GSG1L: variants seen among roughly 807,000 people sequenced by gnomAD.
GSG1L encodes the protein GSG1 like.
In GSG1L, 24 loss-of-function variants were observed where a neutral mutation model predicts 42.1. The observed-to-expected ratio is 0.57, with a 90% confidence interval of 0.41 to 0.80. GSG1L has a LOEUF of 0.80. Among genes scored for constraint, GSG1L ranks in the 30% least tolerant of loss-of-function variants. GSG1L has a pLI of 0.00. For missense variants in GSG1L, 445 were observed against 472.2 expected (o/e 0.94, Z 0.53); for synonymous variants, 215 against 203.5 (o/e 1.06, Z -0.48).
chr16:27,865,612 C>T (rs987986550), intron 3 of GSG1L, among the ~76,000 whole-genome samples: 1 of 141,408 alleles, frequency 7.1e-6, no homozygotes, highest in Non-Finnish European at 1.5e-5. Flanking sequence ...TATATATACA[C>T]ACACACACAT....
chr16:27,869,898 C>A (rs1466548713), intron 3 of GSG1L, among the ~76,000 whole-genome samples: 5 of 87,106 alleles, frequency 5.7e-5, no homozygotes, highest in Non-Finnish European at 9.8e-5. Flanking sequence ...TGTCTCCCTC[C>A]ATCTCTCTCT....
chr16:27,840,090 C>T (rs2083364004), intron 4 of GSG1L, among the ~76,000 whole-genome samples: 1 of 150,240 alleles, frequency 6.7e-6, no homozygotes, highest in Admixed American at 6.6e-5. Flanking sequence ...AGTGCAGTGG[C>T]ACGAACACAG....
chr16:27,906,539 A>T (rs2084323215), intron 2 of GSG1L, among the ~76,000 whole-genome samples: 1 of 152,004 alleles, frequency 6.6e-6, no homozygotes, highest in Non-Finnish European at 1.5e-5. Context: ...TCCCTAGGAG[A>T]TCAAGTTTGC....
rs62029147 is a variant in GSG1L, at chr16:27,791,320, G to A, written c.*50C>T. 5,358 of 1,201,288 alleles carry A rather than the reference G, an allele frequency of 4.5e-3. 51 individuals carry two copies. Among genetic ancestry groups the A allele is most frequent in the Middle Eastern group, 0.025 (78 of 3,134 alleles). The allele number at this position is 1,201,288 out of a possible 1,614,324, so 74.4% of individuals were successfully genotyped here. ...ACCACTCTGGTGGTCTTGCAGCAGG[G>A]GCTGGTGCCAGCGATGGCCTGAGGT... On this transcript the variant is annotated 3_prime_UTR_variant, in exon 7 of 7. Coordinates refer to ENST00000447459, the MANE Select transcript of GSG1L (RefSeq NM_001109763.2).
intron 2 of GSG1L, among the ~76,000 whole-genome samples, chr16:27,888,401 C>CTTCTTTCTTTCTTTCTTTCT (rs768689001): frequency 1.6e-5 from 2 of 122,530 alleles, no homozygotes; most frequent in African/African-American, 7.3e-5. Flanking sequence ...TTCTTTTCTC[C>CTTCTTTCTTTCTTTCTTTCT]TTCTTTCTTT....
chr16:27,875,673 C>A (rs573883947), intron 3 of GSG1L, among the ~76,000 whole-genome samples: 1 of 152,316 alleles, frequency 6.6e-6, no homozygotes, highest in East Asian at 1.9e-4. Flanking sequence ...GACGTGCCAA[C>A]AGACCCAACC....
At position 27,979,324 on chromosome 16, in the gene GSG1L, G is replaced by A. The variant is rs565517741; in HGVS notation, c.350-16121C>T. 9.2e-5 allele frequency among the ~76,000 whole-genome samples: 14 copies of A among 152,064 alleles called. No individual in the cohort carries two copies. In the East Asian group the frequency reaches 2.7e-3, roughly 29 times the overall value. On this transcript the variant is annotated intron_variant, in intron 1 of 6. Transcript: ENST00000447459. ...CTCACGCCTGTAATCCCAGCACTTT[G>A]GAAGGCCGAGACGGGTGGATCACCT...
chr16:28,058,620 C>CAAAAAAAAAAAA, intron 1 of GSG1L, among the ~76,000 whole-genome samples: 1 of 82,554 alleles, frequency 1.2e-5, no homozygotes, highest in Non-Finnish European at 2.6e-5. Flanking sequence ...AGAACAAGAC[C>CAAAAAAAAAAAA]AAAAAAAAAA....
Position 27,866,163 on chromosome 16 carries a change from C to G in GSG1L, c.550+18323G>C, listed in dbSNP as rs570331587. Among the ~76,000 whole-genome samples, 7 of 152,188 alleles carry G rather than the reference C, an allele frequency of 4.6e-5. No homozygotes were observed. The East Asian group carries it at 1.2e-3, about 25-fold the overall frequency. On this transcript the variant is annotated intron_variant, in intron 3 of 6. Transcript: ENST00000447459. ...ATCTCTCTGCCTCTCTCTGTCTGTCCTCTCACACACAGATACATTCTTCCC... is the reference window on the plus strand; with the variant it reads ...ATCTCTCTGCCTCTCTCTGTCTGTCGTCTCACACACAGATACATTCTTCCC...
At chr16:28,030,052 C>T (rs1412708551) in intron 1 of GSG1L, among the ~76,000 whole-genome samples, 1 of 152,200 alleles carries the variant, frequency 6.6e-6, no homozygotes, top group Non-Finnish European at 1.5e-5. Context: ...AGAAGGGCCT[C>T]TTCAGAAGGG....
At chr16:27,888,377 G>C (rs1047540246) in intron 2 of GSG1L, among the ~76,000 whole-genome samples, 1 of 151,816 alleles carries the variant, frequency 6.6e-6, no homozygotes, top group Non-Finnish European at 1.5e-5. Context: ...CGGGGTTGTG[G>C]TTCTTTCTTT....
At chr16:27,940,452 T>A (rs2084776280) in intron 2 of GSG1L, among the ~76,000 whole-genome samples, 1 of 145,168 alleles carries the variant, frequency 6.9e-6, no homozygotes, top group Non-Finnish European at 1.5e-5. Flanking sequence ...TGGAACCAAC[T>A]CAAATGTCCA....
intron 2 of GSG1L, among the ~76,000 whole-genome samples, chr16:27,949,104 CA>C (rs761378030): frequency 3.3e-5 from 5 of 151,276 alleles, no homozygotes; most frequent in South Asian, 2.1e-4. Context: ...TTTTTAGAGA[CA>C]GGGGTCTTGT....
chr16:28,059,803 C>T lies in GSG1L; in HGVS notation c.349+3273G>A, dbSNP rs1049453022. 4.6e-5 allele frequency among the ~76,000 whole-genome samples: 7 copies of T among 152,122 alleles called. No homozygotes were observed. Among genetic ancestry groups the T allele is most frequent in the African/African-American group, 1.7e-4 (7 of 41,412 alleles). ...GCTTCCCTTTCTGTTTGTGGAAGGA[C>T]GCGGGTGCTCTTCTTGGAGCAAGGA... On this transcript the variant is annotated intron_variant, in intron 1 of 6. Transcript: ENST00000447459. The surrounding 1 kb of genome is among the most constrained non-coding windows in gnomAD (Gnocchi z 4.4).
At chr16:27,999,072 T>G (rs1377065554) in intron 1 of GSG1L, among the ~76,000 whole-genome samples, 2 of 152,182 alleles carry the variant, frequency 1.3e-5, no homozygotes, top group African/African-American at 4.8e-5. Context: ...AATTTAAGAG[T>G]GAAAACGGAC....
intron 3 of GSG1L, among the ~76,000 whole-genome samples, chr16:27,855,280 T>C (rs2083563491): frequency 6.6e-6 from 1 of 152,172 alleles, no homozygotes; most frequent in Admixed American, 6.5e-5. Context: ...AGAATGAAAG[T>C]GGGCTGAGAA....
chr16:27,809,009 C>T (rs1486132026), intron 5 of GSG1L, among the ~76,000 whole-genome samples: 1 of 152,166 alleles, frequency 6.6e-6, no homozygotes, highest in Admixed American at 6.5e-5. Flanking sequence ...TGCACACATG[C>T]ATTTGTAACC....
chr16:27,910,041 C>A (rs1355683230), intron 2 of GSG1L, among the ~76,000 whole-genome samples: 2 of 148,482 alleles, frequency 1.3e-5, no homozygotes, highest in African/African-American at 5.0e-5. Context: ...CTCACTGCAA[C>A]CTCCACCTCC....
intron 4 of GSG1L, among the ~76,000 whole-genome samples, chr16:27,837,330 G>A (rs1220598570): frequency 2.0e-5 from 3 of 152,058 alleles, no homozygotes; most frequent in Non-Finnish European, 4.4e-5. Context: ...CCCTTGACAC[G>A]TGGGGATTAT....
Sources: allele counts gnomAD v4.1 joint callset (sites outside exome capture counted in the v4.1 genomes callset), GRCh38; gene constraint gnomAD v4.1.1; non-coding constraint Gnocchi (gnomAD v3.1); transcripts MANE v1.5; gene names NCBI Gene and HGNC (gene_info 2026-07-23, HGNC 2026-07-21).